Variants in RBFOX1 observed in about 807,000 individuals in gnomAD.
RBFOX1 encodes RNA binding protein fox-1 homolog 1.
RBFOX1 carries 8 observed loss-of-function variants against 57.7 expected under a neutral mutation model. The ratio of observed to expected loss-of-function variants is 0.14; its 90% CI spans 0.08 to 0.25. The LOEUF (loss-of-function observed/expected upper bound fraction) is 0.25. Among genes scored for constraint, RBFOX1 ranks in the 10% least tolerant of loss-of-function variants. The probability of loss-of-function intolerance (pLI) is 1.00; values close to 1 mark genes in which losing one functional copy is unlikely to be tolerated. For missense variants in RBFOX1, 611 were observed against 548.5 expected (o/e 1.11, Z -1.14); for synonymous variants, 326 against 222.4 (o/e 1.47, Z -4.15).
At chr16:6,786,528 G>T (rs1056944998) in intron 3 of RBFOX1, among the ~76,000 whole-genome samples, 1 of 152,098 alleles carries the variant, frequency 6.6e-6, no homozygotes, top group Admixed American at 6.6e-5. Context: ...TTCAGACAGA[G>T]TTCAGAGATC....
chr16:7,396,747 C>G (rs1469357912), intron 4 of RBFOX1, among the ~76,000 whole-genome samples: 1 of 152,230 alleles, frequency 6.6e-6, no homozygotes. Context: ...CAAGAACAGC[C>G]TTGCCAACAC....
intron 1 of RBFOX1, among the ~76,000 whole-genome samples, chr16:6,210,691 C>A (rs1345882002): frequency 6.6e-6 from 1 of 151,288 alleles, no homozygotes; most frequent in African/African-American, 2.4e-5. Context: ...CCACTGCACT[C>A]CAGTGCCTGG....
At chr16:6,801,081 G>C (rs568886659) in intron 3 of RBFOX1, among the ~76,000 whole-genome samples, 2 of 152,010 alleles carry the variant, frequency 1.3e-5, no homozygotes, top group East Asian at 3.9e-4. Context: ...CTTGTTAAAA[G>C]TGCGGATTGC....
intron 4 of RBFOX1, among the ~76,000 whole-genome samples, chr16:7,367,450 C>G (rs115675721): frequency 2.0e-5 from 3 of 152,148 alleles, no homozygotes; most frequent in South Asian, 2.1e-4. Flanking sequence ...TTGATTTGCA[C>G]TCTGTTGTTT....
At chr16:5,712,316 C>A (rs1343468368) in intron 3 of RBFOX1, among the ~76,000 whole-genome samples, 1 of 152,210 alleles carries the variant, frequency 6.6e-6, no homozygotes, top group Non-Finnish European at 1.5e-5. Context: ...TTAGTTTTCA[C>A]AACCACCTTC....
rs1013642354 is a variant in RBFOX1 at position 7,561,928 on chromosome 16, G to A, written c.271-17849G>A. ...GAATTTAGGATTTAGTACCAAATAC[G>A]AACTTTTGTGTTAAATTGATGTATA... On this transcript the variant is annotated intron_variant, in intron 5 of 15. Transcript: ENST00000550418. Among the ~76,000 whole-genome samples the A allele has an allele frequency of 3.9e-5, 6 of 152,214 alleles. 1 individual carries two copies. In the South Asian group the frequency reaches 1.2e-3, roughly 32 times the overall value.
intron 2 of RBFOX1, among the ~76,000 whole-genome samples, chr16:5,525,751 G>A (rs561770485): frequency 2.0e-5 from 3 of 151,946 alleles, no homozygotes; most frequent in Non-Finnish European, 4.4e-5. Context: ...ACCCTCCTTG[G>A]CCTCCCAAAG....
At chr16:5,381,322 G>A (rs930503418) in intron 1 of RBFOX1, among the ~76,000 whole-genome samples, 2 of 152,176 alleles carry the variant, frequency 1.3e-5, no homozygotes, top group African/African-American at 2.4e-5. Context: ...CTACAGTGAC[G>A]ACAATACAAA....
intron 1 of RBFOX1, among the ~76,000 whole-genome samples, chr16:6,113,786 A>G (rs2096470040): frequency 6.6e-6 from 1 of 152,208 alleles, no homozygotes; most frequent in East Asian, 1.9e-4. Flanking sequence ...GTTGTCTTGA[A>G]TTGATTTGAA....
At chr16:7,028,260 G>A (rs2041575982) in intron 3 of RBFOX1, among the ~76,000 whole-genome samples, 1 of 152,044 alleles carries the variant, frequency 6.6e-6, no homozygotes, top group African/African-American at 2.4e-5. Context: ...CTACGTGTAA[G>A]CCATTTTCTA....
At chr16:7,051,985 T>C (rs1476380179) in intron 3 of RBFOX1, 72 bp from the exon 4 acceptor site, 3 of 1,566,620 alleles carry the variant, frequency 1.9e-6, no homozygotes, top group Non-Finnish European at 2.6e-6. Context: ...TAAAAGTAAC[T>C]TTCTGTTTTC....
At chr16:5,539,147 G>C (rs2044827004) in intron 2 of RBFOX1, among the ~76,000 whole-genome samples, 1 of 152,180 alleles carries the variant, frequency 6.6e-6, no homozygotes, top group Admixed American at 6.5e-5. Flanking sequence ...GCTTCCAGGT[G>C]CATGGTTCAG....
intron 3 of RBFOX1, among the ~76,000 whole-genome samples, chr16:7,047,838 G>A (rs1278835930): frequency 6.9e-6 from 1 of 145,316 alleles, no homozygotes; most frequent in Non-Finnish European, 1.5e-5. Context: ...TTCATTCTGT[G>A]TTTGGACACC....
chr16:7,674,821 T>G (rs923313157), intron 13 of RBFOX1, among the ~76,000 whole-genome samples: 2 of 152,154 alleles, frequency 1.3e-5, no homozygotes, highest in African/African-American at 2.4e-5. Flanking sequence ...TTCTTCCCAT[T>G]TATCGGACTC....
Position 5,710,402 on chromosome 16 carries a change from C to T in RBFOX1, c.318+111441C>T, listed in dbSNP as rs536333106. 1.3e-4 allele frequency among the ~76,000 whole-genome samples: 20 copies of T among 152,266 alleles called. No individual in the cohort carries two copies. The South Asian group carries it at 3.9e-3, about 30-fold the overall frequency. On this transcript the variant is annotated intron_variant, in intron 3 of 19. Transcript: ENST00000641259. ...TTGACATGGGTCTCTTCATTTGCTG[C>T]TTGGTAGCCTTGCGCAGTTGCGGGC...
intron 4 of RBFOX1, among the ~76,000 whole-genome samples, chr16:7,350,615 C>G (rs372602778): frequency 6.6e-6 from 1 of 152,160 alleles, no homozygotes; most frequent in African/African-American, 2.4e-5. Flanking sequence ...ACAGACAGGA[C>G]AGCTAGTATG....
At chr16:7,502,432 G>T (rs1254455705) in intron 4 of RBFOX1, among the ~76,000 whole-genome samples, 2 of 152,122 alleles carry the variant, frequency 1.3e-5, no homozygotes, top group Non-Finnish European at 2.9e-5. Flanking sequence ...ACAATGTAGG[G>T]GTGGCAGGTG....
At chr16:5,997,970 C>A (rs2060519890) in intron 4 of RBFOX1, among the ~76,000 whole-genome samples, 1 of 152,184 alleles carries the variant, frequency 6.6e-6, no homozygotes, top group Non-Finnish European at 1.5e-5. Context: ...GTTATTCCCA[C>A]ATAGGAAAAG....
chr16:7,066,658 A>T, intron 4 of RBFOX1, among the ~76,000 whole-genome samples: 1 of 152,210 alleles, frequency 6.6e-6, no homozygotes, highest in East Asian at 1.9e-4. Context: ...TATAGCAGCA[A>T]TTATAGAAAT....
Sources: gnomAD v4.1 joint callset for allele counts (sites outside exome capture counted in the v4.1 genomes callset) on GRCh38, gnomAD v4.1.1 for gene constraint, MANE v1.5 for transcripts, NCBI Gene and HGNC (gene_info 2026-07-23, HGNC 2026-07-21) for gene names.